The following BBS9 variants were observed in gnomAD, a reference collection of about 807,000 sequenced individuals.
The protein encoded by BBS9 is protein PTHB1.
In BBS9, 89 loss-of-function variants were observed where a neutral mutation model predicts 117.7. The observed-to-expected ratio is 0.76, with a 90% confidence interval of 0.64 to 0.90. The LOEUF is 0.90. Ranked by LOEUF, BBS9 falls within the 40% of genes least tolerant of loss-of-function variation. The pLI is 0.00. For synonymous variants in BBS9, 379 were observed against 370.9 expected, an observed-to-expected ratio of 1.02 and a Z score of -0.25; for missense variants, 982 against 1,042.2, an observed-to-expected ratio of 0.94 and a Z score of 0.80.
chr7:33,304,900 C>T (rs1436461005), intron 9 of BBS9, among the ~76,000 whole-genome samples: 1 of 152,024 alleles, frequency 6.6e-6, no homozygotes, highest in Admixed American at 6.6e-5. Flanking sequence ...AAGGGCGGTG[C>T]AAGATGTGCT....
chr7:33,290,663 C>T (rs1489824371), intron 9 of BBS9, among the ~76,000 whole-genome samples: 1 of 152,178 alleles, frequency 6.6e-6, no homozygotes, highest in Non-Finnish European at 1.5e-5. Flanking sequence ...GTGTGTGTAG[C>T]ATAGTGATAT....
chr7:33,403,098 A>T (rs1335584384), intron 19 of BBS9, among the ~76,000 whole-genome samples: 1 of 151,800 alleles, frequency 6.6e-6, no homozygotes, highest in Non-Finnish European at 1.5e-5. Flanking sequence ...TAAAAAAATA[A>T]TTTCAACTTT....
chr7:33,338,885 T>C (rs759053957), intron 10 of BBS9, among the ~76,000 whole-genome samples: 5 of 152,148 alleles, frequency 3.3e-5, no homozygotes, highest in Non-Finnish European at 5.9e-5. Flanking sequence ...GGGTGCAACA[T>C]TGAGATAGGT....
intron 5 of BBS9, among the ~76,000 whole-genome samples, chr7:33,214,205 G>A (rs1788603507): frequency 6.6e-6 from 1 of 152,172 alleles, no homozygotes; most frequent in African/African-American, 2.4e-5. Flanking sequence ...TGGTCCAGGT[G>A]CTCCCTCCTT....
chr7:33,630,499 C>A (rs1346027961), intron 21 of BBS9, among the ~76,000 whole-genome samples: 1 of 152,122 alleles, frequency 6.6e-6, no homozygotes, highest in African/African-American at 2.4e-5. Flanking sequence ...ATGCCCCTAC[C>A]CCTGCGTCCG....
chr7:33,413,882 G>C (rs1317689329), intron 19 of BBS9, among the ~76,000 whole-genome samples: 1 of 152,000 alleles, frequency 6.6e-6, no homozygotes, highest in African/African-American at 2.4e-5. Context: ...AAATTAGCCG[G>C]GCATGGTGGT....
intron 20 of BBS9, among the ~76,000 whole-genome samples, chr7:33,513,135 C>T (rs545284688): frequency 3.3e-5 from 5 of 152,282 alleles, no homozygotes; most frequent in African/African-American, 1.2e-4. Context: ...CCCCGGCTAC[C>T]CCCTTCATTC....
At position 33,439,545 on chromosome 7, in the gene BBS9, T is replaced by TC. The variant is rs1190741104; in HGVS notation, c.2115+51401_2115+51402insC. On this transcript the variant is annotated intron_variant, in intron 19 of 22. Transcript: ENST00000242067. ...TCTTTTTTATCACCTTTTTTTTTTT[T>TC]TTGGGATGGAGCCTTGCTTTGTTGC... Among the ~76,000 whole-genome samples, 5 of 151,108 alleles carry TC rather than the reference T, an allele frequency of 3.3e-5. No individual in the cohort carries two copies. The East Asian group carries it at 9.7e-4, about 29-fold the overall frequency.
chr7:33,330,901 A>G (rs926208775), intron 9 of BBS9, among the ~76,000 whole-genome samples: 1 of 152,208 alleles, frequency 6.6e-6, no homozygotes, highest in South Asian at 2.1e-4. Context: ...AATAGGGTAC[A>G]CGGTATTGGA....
intron 5 of BBS9, among the ~76,000 whole-genome samples, chr7:33,207,814 C>CT (rs200036128): frequency 0.19 from 28,271 of 148,552 alleles, 2,831 homozygotes; most frequent in Non-Finnish European, 0.23. Context: ...ATAGATATAA[C>CT]TTTTTTTTTT....
rs1465818425 is a variant in BBS9, at chr7:33,493,099, A to G, written c.2116-12364A>G. Among the ~76,000 whole-genome samples the G allele has an allele frequency of 2.0e-5, 3 of 151,978 alleles. No individual in the cohort carries two copies. The East Asian group carries it at 5.8e-4, about 29-fold the overall frequency. ...AGCCTCCACCTCCCAGGTTCAAGTGATTCTTGTCCCTTAGCCTCCTGAGTA... is the reference window on the plus strand; with the variant it reads ...AGCCTCCACCTCCCAGGTTCAAGTGGTTCTTGTCCCTTAGCCTCCTGAGTA... On this transcript the variant is annotated intron_variant, in intron 19 of 22. Transcript: ENST00000242067.
chr7:33,293,071 C>A (rs1246691295), intron 9 of BBS9, among the ~76,000 whole-genome samples: 2 of 151,576 alleles, frequency 1.3e-5, no homozygotes, highest in African/African-American at 2.4e-5. Context: ...TCATTTTATA[C>A]CAACAGTCAT....
At chr7:33,458,302 G>T (rs1240984258) in intron 19 of BBS9, among the ~76,000 whole-genome samples, 1 of 152,064 alleles carries the variant, frequency 6.6e-6, no homozygotes, top group Non-Finnish European at 1.5e-5. Flanking sequence ...ATAAAAACAG[G>T]CTTCTTTTAG....
intron 2 of BBS9, among the ~76,000 whole-genome samples, chr7:33,151,696 T>C (rs1793352127): frequency 6.6e-6 from 1 of 151,792 alleles, no homozygotes; most frequent in Non-Finnish European, 1.5e-5. Flanking sequence ...ATTACGGGCA[T>C]GCGCCACCAC....
chr7:33,353,382 C>A (rs1584461434), intron 15 of BBS9, among the ~76,000 whole-genome samples: 1 of 152,262 alleles, frequency 6.6e-6, no homozygotes, highest in Non-Finnish European at 1.5e-5. Context: ...CTGACTCCCT[C>A]TAACTTGCTT....
At chr7:33,508,182 C>T (rs1456835417) in intron 20 of BBS9, among the ~76,000 whole-genome samples, 1 of 152,178 alleles carries the variant, frequency 6.6e-6, no homozygotes, top group Non-Finnish European at 1.5e-5. Context: ...GCCTATCTTC[C>T]AGTGCTCTCT....
intron 21 of BBS9, among the ~76,000 whole-genome samples, chr7:33,555,754 A>G (rs1002809769): frequency 2.6e-5 from 4 of 152,190 alleles, no homozygotes; most frequent in Admixed American, 2.6e-4. Flanking sequence ...GAGACAGATC[A>G]TCAGTTTAGT....
chr7:33,597,953 T>C (rs562426116), intron 21 of BBS9, among the ~76,000 whole-genome samples: 37 of 150,892 alleles, frequency 2.5e-4, no homozygotes, highest in Non-Finnish European at 3.8e-4. Context: ...TGATGCTAGG[T>C]TTACATGATC....
At chr7:33,161,850 T>A (rs1794907161) in intron 4 of BBS9, among the ~76,000 whole-genome samples, 1 of 152,234 alleles carries the variant, frequency 6.6e-6, no homozygotes, top group South Asian at 2.1e-4. Flanking sequence ...GTGGTTTTGA[T>A]TTGCATTTCT....
Sources: gnomAD v4.1 joint callset for allele counts (sites outside exome capture counted in the v4.1 genomes callset) on GRCh38, gnomAD v4.1.1 for gene constraint, MANE v1.5 for transcripts, NCBI Gene and HGNC (gene_info 2026-07-23, HGNC 2026-07-21) for gene names.